Variants in FOXK1 observed in about 807,000 individuals in gnomAD.
The protein encoded by FOXK1 is forkhead box K1.
FOXK1 carries 19 observed loss-of-function variants against 51.9 expected under a neutral mutation model. The observed-to-expected ratio is 0.37, with a 90% CI of 0.26 to 0.54. The LOEUF is 0.54. FOXK1 is among the 20% of genes least tolerant of loss of function. The pLI is 0.87. For synonymous variants in FOXK1, 537 were observed against 482.6 expected, an observed-to-expected ratio of 1.11 and a Z score of -1.48; for missense variants, 870 against 1,032.7, an observed-to-expected ratio of 0.84 and a Z score of 2.16.
At chr7:4,706,839 T>G (rs1237875141) in intron 1 of FOXK1, among the ~76,000 whole-genome samples, 1 of 152,140 alleles carries the variant, frequency 6.6e-6, no homozygotes. Flanking sequence ...GCCGCCCGGA[T>G]GCCGACCCCC....
chr7:4,693,630 T>C (rs140728652), intron 1 of FOXK1, among the ~76,000 whole-genome samples: 72 of 152,218 alleles, frequency 4.7e-4, no homozygotes, highest in Middle Eastern at 3.5e-3. Context: ...GCCACGGATA[T>C]GGGTGTCCCC....
chr7:4,683,115 G>T lies in FOXK1; in HGVS notation c.560+247G>T, dbSNP rs1779774460. ...CCTGAGGATCTCCTCCACTTTCCCC[G>T]GTCTGGATACCCCGTCGCCCCCGAC... On this transcript the variant is annotated intron_variant, in intron 1 of 8. Coordinates refer to ENST00000328914, the MANE Select transcript of FOXK1 (RefSeq NM_001037165.2). This position sits in a 1 kb window ranked among gnomAD's most constrained non-coding sequence, Gnocchi z 4.5. Among the ~76,000 whole-genome samples, 1 of 149,340 alleles carries T rather than the reference G, an allele frequency of 6.7e-6. No homozygotes were observed. Among genetic ancestry groups the T allele is most frequent in the East Asian group, 2.0e-4 (1 of 4,974 alleles).
rs1003317086 is a variant in FOXK1 at position 4,734,516 on chromosome 7, C to T, written c.561-6322C>T. On this transcript the variant is annotated intron_variant, in intron 1 of 8. Transcript: ENST00000328914. The surrounding 1 kb of genome is among the most constrained non-coding windows in gnomAD (Gnocchi z 5.2). Reference sequence around the variant, plus strand: ...CAGTCCCTGTCTTCCTTGATGGGGGCATTCCCCAAGTGTCTGTTCTTGTGG... The same window carrying T: ...CAGTCCCTGTCTTCCTTGATGGGGGTATTCCCCAAGTGTCTGTTCTTGTGG... Among the ~76,000 whole-genome samples, 1 of 152,226 alleles carries T rather than the reference C, an allele frequency of 6.6e-6. No individual in the cohort carries two copies. Among genetic ancestry groups the T allele is most frequent in the African/African-American group, 2.4e-5 (1 of 41,466 alleles).
At chr7:4,736,226 C>G (rs970979922) in intron 1 of FOXK1, among the ~76,000 whole-genome samples, 5 of 152,134 alleles carry the variant, frequency 3.3e-5, no homozygotes, top group African/African-American at 9.7e-5. Flanking sequence ...TGCCTCAGGA[C>G]AATCACTGTT....
At position 4,766,327 on chromosome 7, in the gene FOXK1, C is replaced by G. The variant is rs1051733327; in HGVS notation, c.*3863C>G. ...TGAAATGAGACGCTGGTGTGGGGTC[C>G]CCATGTAGAGACCCTCAGGTCCCTA... On this transcript the variant is annotated 3_prime_UTR_variant, in exon 9 of 9. Transcript: ENST00000328914. This position sits in a 1 kb window ranked among gnomAD's most constrained non-coding sequence, Gnocchi z 5.5. 3.3e-5 allele frequency: 5 copies of G among 152,192 alleles called. No homozygotes were observed. The highest frequency in any genetic ancestry group is 1.2e-4 in the African/African-American group (5 of 41,428). The allele number at this position is 152,192 out of a possible 1,614,324, so 9.4% of individuals were successfully genotyped here.
intron 2 of FOXK1, among the ~76,000 whole-genome samples, chr7:4,754,063 G>A (rs1227276135): frequency 1.3e-5 from 2 of 152,154 alleles, no homozygotes; most frequent in African/African-American, 2.4e-5. Context: ...CCACAGCGCC[G>A]CCTTGTGGAC....
chr7:4,729,046 C>T lies in FOXK1; in HGVS notation c.561-11792C>T, dbSNP rs187563402. Among the ~76,000 whole-genome samples, 5 of 152,314 alleles carry T rather than the reference C, an allele frequency of 3.3e-5. No homozygotes were observed. Among genetic ancestry groups the T allele is most frequent in the South Asian group, 2.1e-4 (1 of 4,824 alleles). ...AAGATGAAAGTTAACCTGAATTGCTCGTCGCAAGCAAGCTCTGCCCGGGTC... is the reference window on the plus strand; with the variant it reads ...AAGATGAAAGTTAACCTGAATTGCTTGTCGCAAGCAAGCTCTGCCCGGGTC... On this transcript the variant is annotated intron_variant, in intron 1 of 8. Transcript: ENST00000328914. The surrounding 1 kb of genome is among the most constrained non-coding windows in gnomAD (Gnocchi z 6.2).
At chr7:4,759,263 C>T (rs1416534736) in intron 6 of FOXK1, 46 bp downstream of exon 6, 3 of 1,606,014 alleles carry the variant, frequency 1.9e-6, no homozygotes. Context: ...GGGCGGGACT[C>T]GTGGGGGTGC....
intron 1 of FOXK1, among the ~76,000 whole-genome samples, chr7:4,738,229 G>C (rs1780582894): frequency 6.6e-6 from 1 of 151,704 alleles, no homozygotes; most frequent in South Asian, 2.1e-4. Flanking sequence ...CTGAGGTCAG[G>C]AGTTTGAGAC....
chr7:4,702,116 A>G (rs529035011), intron 1 of FOXK1, among the ~76,000 whole-genome samples: 2 of 152,156 alleles, frequency 1.3e-5, no homozygotes, highest in Non-Finnish European at 2.9e-5. Flanking sequence ...ACCAAATCGT[A>G]TTGTACCCAC....
intron 1 of FOXK1, among the ~76,000 whole-genome samples, chr7:4,710,389 A>C (rs141717339): frequency 3.9e-5 from 6 of 152,298 alleles, no homozygotes; most frequent in African/African-American, 1.2e-4. Context: ...AGCCTGGCCA[A>C]CATGGTGAAA....
intron 1 of FOXK1, among the ~76,000 whole-genome samples, chr7:4,693,150 T>C (rs1324675249): frequency 6.6e-6 from 1 of 152,224 alleles, no homozygotes; most frequent in Non-Finnish European, 1.5e-5. Context: ...ACATTGGCCA[T>C]TGGCAAGAAT....
In FOXK1 at chr7:4,763,435, CTT is replaced by C. The variant is rs1780965418; in HGVS notation, c.*975_*976del. The C allele has an allele frequency of 6.6e-6, 1 of 152,366 alleles. No homozygotes were observed. The highest frequency in any genetic ancestry group is 1.5e-5 in the Non-Finnish European group (1 of 68,136). 9.4% of individuals were successfully genotyped at this position (152,366 alleles called of 1,614,324 possible). On this transcript the variant is annotated 3_prime_UTR_variant, in exon 9 of 9. Coordinates refer to ENST00000328914, the MANE Select transcript of FOXK1 (RefSeq NM_001037165.2). ...TGCCAAACGCCATCTGCTCCAGCTG[CTT>C]TTTCACCCAGTTGCAGAGTCCTCAC...
chr7:4,683,835 C>T lies in FOXK1; in HGVS notation c.560+967C>T, dbSNP rs541023888. On this transcript the variant is annotated intron_variant, in intron 1 of 8. Coordinates refer to ENST00000328914, the MANE Select transcript of FOXK1 (RefSeq NM_001037165.2). The surrounding 1 kb of genome is among the most constrained non-coding windows in gnomAD (Gnocchi z 4.5). ...GGTGTTGCTCCGGGAAGTGCGAGGT[C>T]CCTAGGAGTGTGGGCTGTGCTGAAG... Among the ~76,000 whole-genome samples the T allele has an allele frequency of 1.3e-5, 2 of 152,318 alleles. No individual in the cohort carries two copies. Among genetic ancestry groups the T allele is most frequent in the African/African-American group, 4.8e-5 (2 of 41,590 alleles).
intron 1 of FOXK1, among the ~76,000 whole-genome samples, chr7:4,704,962 G>T (rs1471600600): frequency 3.3e-5 from 5 of 151,156 alleles, no homozygotes; most frequent in Non-Finnish European, 7.4e-5. Context: ...CTCCCGAGTA[G>T]CTGGGACTAC....
At chr7:4,688,266 T>TAA (rs34515938) in intron 1 of FOXK1, among the ~76,000 whole-genome samples, 49 of 135,572 alleles carry the variant, frequency 3.6e-4, no homozygotes, top group Admixed American at 7.5e-4. Context: ...TAAGAATTCT[T>TAA]AAAAAAAAAA....
intron 1 of FOXK1, among the ~76,000 whole-genome samples, chr7:4,737,476 G>A (rs1780568447): frequency 2.0e-5 from 3 of 150,648 alleles, no homozygotes; most frequent in Admixed American, 6.6e-5. Flanking sequence ...GTGTGTGTGC[G>A]TGGGTGTGGG....
intron 2 of FOXK1, among the ~76,000 whole-genome samples, chr7:4,750,079 C>A (rs767004438): frequency 6.6e-6 from 1 of 152,230 alleles, no homozygotes; most frequent in Non-Finnish European, 1.5e-5. Context: ...CCAGCTCTCT[C>A]GCCTGAGGCG....
intron 1 of FOXK1, among the ~76,000 whole-genome samples, chr7:4,702,626 A>G (rs567341511): frequency 3.9e-5 from 6 of 152,310 alleles, no homozygotes; most frequent in South Asian, 2.1e-4. Flanking sequence ...GATTACAGGC[A>G]TGAGCCACCG....
Sources: allele counts gnomAD v4.1 joint callset (sites outside exome capture counted in the v4.1 genomes callset), GRCh38; gene constraint gnomAD v4.1.1; non-coding constraint Gnocchi (gnomAD v3.1); transcripts MANE v1.5; gene names NCBI Gene and HGNC (gene_info 2026-07-23, HGNC 2026-07-21).